SH2B2: variants seen among roughly 807,000 people sequenced by gnomAD.
The protein encoded by SH2B2 is SH2B adapter protein 2.
Under a neutral mutation model 35.7 loss-of-function variants are expected in SH2B2, and 37 were observed. That is an observed-to-expected ratio of 1.04 (90% confidence interval 0.80 to 1.36). SH2B2 has a LOEUF of 1.36. SH2B2 is among the 40% of genes most tolerant of loss of function. The probability of loss-of-function intolerance (pLI) is 0.00; values close to 1 mark genes in which losing one functional copy is unlikely to be tolerated. For synonymous variants in SH2B2, 383 were observed against 376.4 expected (o/e 1.02, Z -0.20); for missense variants, 852 against 817.7 (o/e 1.04, Z -0.51).
At chr7:102,309,505 C>T (rs181671624) in intron 4 of SH2B2, 4 of 316,630 alleles carry the variant, frequency 1.3e-5, no homozygotes, top group Admixed American at 4.3e-5. Flanking sequence ...TGATTACAGG[C>T]GCCTACCACC....
chr7:102,320,037 T>G (rs528421922), intron 7 of SH2B2, among the ~76,000 whole-genome samples: 24 of 152,316 alleles, frequency 1.6e-4, no homozygotes, highest in African/African-American at 3.4e-4. Context: ...ATGGGGGCAG[T>G]AATCCCTATC....
At chr7:102,312,990 G>C (rs1210552020) in intron 4 of SH2B2, among the ~76,000 whole-genome samples, 1 of 151,900 alleles carries the variant, frequency 6.6e-6, no homozygotes, top group Non-Finnish European at 1.5e-5. Context: ...TCAGCCGGGC[G>C]TGGTGGTACA....
chr7:102,307,638 G>A (rs1156884430), intron 3 of SH2B2, among the ~76,000 whole-genome samples: 1 of 152,100 alleles, frequency 6.6e-6, no homozygotes, highest in Non-Finnish European at 1.5e-5. Flanking sequence ...TGCTGATCAT[G>A]CATGACAGCC....
chr7:102,299,054 C>A (rs1369369182), intron 1 of SH2B2, among the ~76,000 whole-genome samples: 3 of 149,602 alleles, frequency 2.0e-5, no homozygotes, highest in Non-Finnish European at 4.4e-5. Context: ...TGCCTGCCCC[C>A]ACGCCCGGCT....
chr7:102,285,432 G>A (rs1006050633), upstream of SH2B2, among the ~76,000 whole-genome samples: 2 of 152,194 alleles, frequency 1.3e-5, no homozygotes, highest in African/African-American at 4.8e-5. Context: ...GTGCAGCTCC[G>A]ATCGAGGGCT....
intron 1 of SH2B2, among the ~76,000 whole-genome samples, chr7:102,291,841 T>G (rs546951796): frequency 6.6e-6 from 1 of 152,076 alleles, no homozygotes; most frequent in East Asian, 1.9e-4. Flanking sequence ...GAGAGACTCA[T>G]ACCTAGTCAG....
At chr7:102,295,951 C>T (rs1015540526) in intron 1 of SH2B2, among the ~76,000 whole-genome samples, 1 of 152,116 alleles carries the variant, frequency 6.6e-6, no homozygotes, top group African/African-American at 2.4e-5. Flanking sequence ...TGTTCAGGCC[C>T]CCAGCACCCT....
At chr7:102,285,201 GA>G (rs1563541065), upstream of SH2B2, 1 of 1,551,230 alleles carries the variant, frequency 6.4e-7, no homozygotes, top group Non-Finnish European at 8.7e-7. Flanking sequence ...CCCATCTCAG[GA>G]CCCTCTCTGG....
chr7:102,302,750 G>A lies in SH2B2; in HGVS notation c.729+1471G>A, dbSNP rs781993894. ...CTGCCCAACGTCACCCAGCTGGCGG[G>A]TGCCAGAGCTGGTCTAACATGGCAG... On this transcript the variant is annotated intron_variant, in intron 2 of 8. Transcript: ENST00000444095. Among the ~76,000 whole-genome samples, 4 of 152,358 alleles carry A rather than the reference G, an allele frequency of 2.6e-5. No individual in the cohort carries two copies. In the South Asian group the frequency reaches 8.3e-4, roughly 32 times the overall value.
At chr7:102,302,734 G>A (rs932391477) in intron 2 of SH2B2, among the ~76,000 whole-genome samples, 1 of 152,218 alleles carries the variant, frequency 6.6e-6, no homozygotes, top group African/African-American at 2.4e-5. Context: ...CCTGCCCAAC[G>A]TCACCCAGCT....
chr7:102,286,235 C>G (rs1181897183), upstream of SH2B2, among the ~76,000 whole-genome samples: 1 of 152,220 alleles, frequency 6.6e-6, no homozygotes, highest in Non-Finnish European at 1.5e-5. Context: ...CCGTCCCGCC[C>G]TGTGGCCCGG....
At chr7:102,319,455 G>C (rs772665981) in intron 7 of SH2B2, among the ~76,000 whole-genome samples, 1 of 152,106 alleles carries the variant, frequency 6.6e-6, no homozygotes, top group African/African-American at 2.4e-5. Flanking sequence ...GGCCAGGCTG[G>C]TCTTGAACTC....
At chr7:102,303,401 GC>G (rs1296506780) in intron 2 of SH2B2, among the ~76,000 whole-genome samples, 4 of 152,098 alleles carry the variant, frequency 2.6e-5, no homozygotes, top group African/African-American at 9.7e-5. Flanking sequence ...CCGCATCAGG[GC>G]CCACTCTGTC....
chr7:102,312,833 A>G (rs1793675597), intron 4 of SH2B2, among the ~76,000 whole-genome samples: 1 of 152,096 alleles, frequency 6.6e-6, no homozygotes, highest in Non-Finnish European at 1.5e-5. Flanking sequence ...TCTTTTATTA[A>G]GATGAGATTC....
In SH2B2 at chr7:102,300,680, C is replaced by G; in HGVS notation, c.130C>G (p.Arg44Gly). ...AAVDFAHKFCRFLRDNPAYDT... is the reference protein window; with the variant it reads ...AAVDFAHKFCGFLRDNPAYDT... ...CGTGGACTTTGCGCACAAGTTCTGCCGTTTCCTGCGGGACAACCCAGCTTA... is the reference window on the plus strand; with the variant it reads ...CGTGGACTTTGCGCACAAGTTCTGCGGTTTCCTGCGGGACAACCCAGCTTA... The change falls in exon 2 of 9, where the codon CGT becomes GGT. Residue 44 changes from arginine (R) to glycine (G), a missense_variant. Physicochemically the swap from Arg to Gly is moderately radical, Grantham distance 125. Coordinates refer to ENST00000444095, the MANE Select transcript of SH2B2 (RefSeq NM_001359228.2). 2 of 1,547,448 alleles carry G rather than the reference C, an allele frequency of 1.3e-6. No homozygotes were observed. Among genetic ancestry groups the G allele is most frequent in the East Asian group, 4.9e-5 (2 of 40,828 alleles).
chr7:102,289,717 G>A (rs1274174614), intron 1 of SH2B2, among the ~76,000 whole-genome samples: 2 of 151,948 alleles, frequency 1.3e-5, no homozygotes, highest in East Asian at 3.9e-4. Context: ...TTGGTGAGGG[G>A]CACTAAGGGG....
chr7:102,315,244 C>T (rs1554556752), intron 6 of SH2B2, among the ~76,000 whole-genome samples: 1 of 151,992 alleles, frequency 6.6e-6, no homozygotes, highest in African/African-American at 2.4e-5. Context: ...GTGTCTCACA[C>T]CTGTAATCCC....
chr7:102,315,092 G>C (rs1554556246), intron 6 of SH2B2, among the ~76,000 whole-genome samples: 3 of 152,086 alleles, frequency 2.0e-5, no homozygotes, highest in African/African-American at 7.2e-5. Context: ...GGGAGGCTGA[G>C]GCAGGAAAAT....
At chr7:102,292,942 C>T (rs1169047026) in intron 1 of SH2B2, among the ~76,000 whole-genome samples, 5 of 152,044 alleles carry the variant, frequency 3.3e-5, no homozygotes, top group African/African-American at 7.2e-5. Flanking sequence ...CCTGTGGGAC[C>T]ACTGACCATC....
Sources: gnomAD v4.1 joint callset for allele counts (sites outside exome capture counted in the v4.1 genomes callset) on GRCh38, gnomAD v4.1.1 for gene constraint, MANE v1.5 for transcripts, NCBI Gene and HGNC (gene_info 2026-07-23, HGNC 2026-07-21) for gene names.